The following SUGCT variants were observed in gnomAD, a reference collection of about 807,000 sequenced individuals.
The protein encoded by SUGCT is succinyl-CoA:glutarate-CoA transferase.
Under a neutral mutation model 55.0 loss-of-function variants are expected in SUGCT, and 41 were observed. The ratio of observed to expected loss-of-function variants is 0.74; its 90% CI spans 0.58 to 0.97. The LOEUF (loss-of-function observed/expected upper bound fraction) is 0.97, where lower values mean the gene tolerates loss of function less well. SUGCT is among the 50% of genes least tolerant of loss of function. SUGCT has a pLI of 0.00. For synonymous variants in SUGCT, 187 were observed against 200.4 expected (o/e 0.93, Z 0.56); for missense variants, 568 against 547.8 (o/e 1.04, Z -0.37).
chr7:40,389,442 A>C (rs199557323), intron 9 of SUGCT, among the ~76,000 whole-genome samples: 515 of 107,332 alleles, frequency 4.8e-3, no homozygotes, highest in Non-Finnish European at 6.8e-3. Context: ...CGCCTGTCTC[A>C]AAACAAACAA....
the SUGCT span, among the ~76,000 whole-genome samples, chr7:40,913,767 T>C: frequency 6.6e-6 from 1 of 152,122 alleles, no homozygotes; most frequent in Non-Finnish European, 1.5e-5. Context: ...GGGCCCAGGT[T>C]AAAGGGGCAG....
intron 12 of SUGCT, among the ~76,000 whole-genome samples, chr7:40,701,931 G>A (rs1785187840): frequency 6.6e-6 from 1 of 152,170 alleles, no homozygotes; most frequent in South Asian, 2.1e-4. Context: ...TTGCTCCAAG[G>A]CCATGGTTCT....
intron 12 of SUGCT, among the ~76,000 whole-genome samples, chr7:40,654,491 G>A (rs1800925246): frequency 6.6e-6 from 1 of 152,194 alleles, no homozygotes; most frequent in Admixed American, 6.5e-5. Context: ...ACAAAGGCCT[G>A]TGCTTGGCTT....
chr7:40,137,885 T>G (rs1367265839), intron 1 of SUGCT, among the ~76,000 whole-genome samples: 2 of 152,172 alleles, frequency 1.3e-5, no homozygotes, highest in East Asian at 3.8e-4. Flanking sequence ...TTTTGCCATG[T>G]TGCCCACACT....
chr7:40,253,369 T>G (rs1441530559), intron 7 of SUGCT, among the ~76,000 whole-genome samples: 1 of 152,188 alleles, frequency 6.6e-6, no homozygotes, highest in Non-Finnish European at 1.5e-5. Context: ...CTCCTTATCC[T>G]CCTTTAGTTT....
chr7:40,251,528 C>T (rs1337612843), intron 7 of SUGCT, among the ~76,000 whole-genome samples: 3 of 152,122 alleles, frequency 2.0e-5, no homozygotes, highest in East Asian at 1.9e-4. Flanking sequence ...GGGGTCAGCC[C>T]TCTTCCCAAG....
intron 12 of SUGCT, among the ~76,000 whole-genome samples, chr7:40,605,407 T>G (rs1032183012): frequency 6.6e-6 from 1 of 152,214 alleles, no homozygotes; most frequent in Admixed American, 6.5e-5. Context: ...ATATTCCGTG[T>G]TTTTTTGGAG....
chr7:40,468,337 T>G (rs1790230472), intron 11 of SUGCT, among the ~76,000 whole-genome samples: 1 of 152,064 alleles, frequency 6.6e-6, no homozygotes, highest in South Asian at 2.1e-4. Flanking sequence ...AATTTCCTTA[T>G]TTTTTATTTT....
chr7:40,330,374 A>G (rs1365295650), intron 9 of SUGCT, among the ~76,000 whole-genome samples: 1 of 152,216 alleles, frequency 6.6e-6, no homozygotes, highest in Non-Finnish European at 1.5e-5. Flanking sequence ...GAAGATATAC[A>G]TTTAGAGATG....
rs568645420 is a variant in SUGCT, at chr7:40,325,320, T to G, written c.816+8465T>G. ...TTTATTTATTTTACCATAGTCACAC[T>G]AAGGCACTAAAATGTGAAGGTATAA... On this transcript the variant is annotated intron_variant, in intron 9 of 13. Transcript: ENST00000335693. 9.9e-5 allele frequency among the ~76,000 whole-genome samples: 15 copies of G among 152,234 alleles called. No individual in the cohort carries two copies. In the South Asian group the frequency reaches 2.5e-3, roughly 25 times the overall value.
chr7:40,792,002 A>C (rs557877673), intron 13 of SUGCT, among the ~76,000 whole-genome samples: 1 of 152,276 alleles, frequency 6.6e-6, no homozygotes, highest in Non-Finnish European at 1.5e-5. Context: ...CAAAGATTTT[A>C]ATCCTGTCCT....
At chr7:40,952,006 C>A in the SUGCT span, among the ~76,000 whole-genome samples, 180 of 152,198 alleles carry the variant, frequency 1.2e-3, 2 homozygotes, top group African/African-American at 4.1e-3. Flanking sequence ...CCTGGATATC[C>A]TTGTCCATTT....
At chr7:40,152,359 G>T (rs1237338416) in intron 1 of SUGCT, 1 of 152,330 alleles carries the variant, frequency 6.6e-6, no homozygotes, top group Non-Finnish European at 1.5e-5. Flanking sequence ...AGATGGAGTT[G>T]GTTAGGTCAG....
At chr7:40,204,038 G>GAGTGC (rs1324573878) in intron 6 of SUGCT, among the ~76,000 whole-genome samples, 1 of 151,914 alleles carries the variant, frequency 6.6e-6, no homozygotes, top group African/African-American at 2.4e-5. Flanking sequence ...ACCTAGGCTG[G>GAGTGC]AGTGCAGTGG....
At chr7:40,788,608 G>A (rs563273734) in intron 13 of SUGCT, among the ~76,000 whole-genome samples, 310 of 152,350 alleles carry the variant, frequency 2.0e-3, no homozygotes, top group South Asian at 5.0e-3. Context: ...TAAAGTTACT[G>A]TTCTCTTCAG....
In SUGCT at chr7:40,566,001, A is replaced by ACGCGCG. The variant is rs1041435733; in HGVS notation, c.1089+69616_1089+69617insGCGCGC. 1.7e-3 allele frequency among the ~76,000 whole-genome samples: 242 copies of ACGCGCG among 142,702 alleles called. 1 individual carries two copies. The highest frequency in any genetic ancestry group is 3.4e-3 in the African/African-American group (136 of 39,640). 93.6% of individuals were successfully genotyped at this position (142,702 alleles called of 152,430 possible). On this transcript the variant is annotated intron_variant, in intron 12 of 13. Transcript: ENST00000335693. ...CACACACACACACACACGCACACAC[A>ACGCGCG]CACACACACACACACACACACACGA... is the stretch of plus-strand genomic sequence containing the variant.
intron 6 of SUGCT, among the ~76,000 whole-genome samples, chr7:40,218,803 C>T (rs1280603555): frequency 1.3e-5 from 2 of 152,180 alleles, no homozygotes; most frequent in Non-Finnish European, 2.9e-5. Context: ...AATCAGCACT[C>T]TGTAAAAATG....
intron 9 of SUGCT, among the ~76,000 whole-genome samples, chr7:40,333,874 G>A (rs1206038986): frequency 6.6e-6 from 1 of 150,634 alleles, no homozygotes; most frequent in Non-Finnish European, 1.5e-5. Flanking sequence ...TTTACATTAG[G>A]CATATCTCCT....
At chr7:40,809,956 A>G (rs2128756528) in intron 13 of SUGCT, among the ~76,000 whole-genome samples, 1 of 152,158 alleles carries the variant, frequency 6.6e-6, no homozygotes, top group South Asian at 2.1e-4. Context: ...GAAGTACATG[A>G]TTTCATTCTT....
Sources: allele counts gnomAD v4.1 joint callset (sites outside exome capture counted in the v4.1 genomes callset), GRCh38; gene constraint gnomAD v4.1.1; transcripts MANE v1.5; gene names NCBI Gene and HGNC (gene_info 2026-07-23, HGNC 2026-07-21).